NTRK3: variants seen among roughly 807,000 people sequenced by gnomAD.
NTRK3 encodes NT-3 growth factor receptor.
Under a neutral mutation model 91.7 loss-of-function variants are expected in NTRK3, and 24 were observed. The observed-to-expected ratio is 0.26, with a 90% CI of 0.19 to 0.37. NTRK3 has a LOEUF of 0.37. Ranked by LOEUF, NTRK3 falls within the 10% of genes least tolerant of loss-of-function variation. NTRK3 has a pLI of 1.00. For synonymous variants in NTRK3, 483 were observed against 404.0 expected, an observed-to-expected ratio of 1.20 and a Z score of -2.34; for missense variants, 880 against 1,068.9, an observed-to-expected ratio of 0.82 and a Z score of 2.46.
intron 14 of NTRK3, among the ~76,000 whole-genome samples, chr15:87,998,685 C>T (rs2075883109): frequency 6.6e-6 from 1 of 152,114 alleles, no homozygotes; most frequent in African/African-American, 2.4e-5. Flanking sequence ...TGGCCAGAAA[C>T]AGCAAATAGA....
intron 3 of NTRK3, among the ~76,000 whole-genome samples, chr15:88,197,186 G>GTATCATCCA (rs2047916257): frequency 7.1e-6 from 1 of 140,542 alleles, no homozygotes; most frequent in African/African-American, 2.6e-5. Context: ...GACCATGAAA[G>GTATCATCCA]TATCATCCAT....
chr15:88,151,795 A>T (rs907154763), intron 5 of NTRK3, among the ~76,000 whole-genome samples: 1 of 152,148 alleles, frequency 6.6e-6, no homozygotes, highest in Non-Finnish European at 1.5e-5. Flanking sequence ...GAGGCAGGCT[A>T]ATGGGCAGGT....
At chr15:88,139,298 C>G (rs1017250711) in intron 6 of NTRK3, among the ~76,000 whole-genome samples, 1 of 152,174 alleles carries the variant, frequency 6.6e-6, no homozygotes, top group Non-Finnish European at 1.5e-5. Flanking sequence ...CCGGATAAAT[C>G]TGAATGCCTG....
intron 14 of NTRK3, among the ~76,000 whole-genome samples, chr15:88,011,327 C>T (rs1387660570): frequency 6.6e-6 from 1 of 152,136 alleles, no homozygotes; most frequent in Non-Finnish European, 1.5e-5. Flanking sequence ...TCAAAATAGA[C>T]AGGATTTAAG....
chr15:87,972,963 C>G (rs1188267011), intron 14 of NTRK3, among the ~76,000 whole-genome samples: 1 of 152,184 alleles, frequency 6.6e-6, no homozygotes, highest in Non-Finnish European at 1.5e-5. Context: ...TCCTGTCTTT[C>G]TTGTTCCCTT....
At chr15:88,101,400 C>G (rs933188294) in intron 13 of NTRK3, among the ~76,000 whole-genome samples, 2 of 152,172 alleles carry the variant, frequency 1.3e-5, no homozygotes, top group African/African-American at 4.8e-5. Context: ...GAAATAGGAA[C>G]ACTTTTACAC....
In NTRK3 at chr15:87,984,642, C is replaced by T. The variant is rs554298175; in HGVS notation, c.1586-43889G>A. On this transcript the variant is annotated intron_variant, in intron 14 of 18. Coordinates refer to ENST00000394480, the Ensembl canonical transcript of NTRK3. ...AGGCCGTATATGGCCTTATGATGTG[C>T]CTTTTATTTTATTTTTTAACACAAA... is the stretch of plus-strand genomic sequence containing the variant. Among the ~76,000 whole-genome samples the T allele has an allele frequency of 5.3e-5, 8 of 152,276 alleles. No homozygotes were observed. In the South Asian group the frequency reaches 1.7e-3, roughly 32 times the overall value.
At position 88,099,780 on chromosome 15, in the gene NTRK3, T is replaced by A. The variant is rs117358820; in HGVS notation, c.1396+26491A>T. 9.8e-4 allele frequency among the ~76,000 whole-genome samples: 149 copies of A among 152,262 alleles called. 1 individual carries two copies. In the East Asian group the frequency reaches 0.024, roughly 25 times the overall value. On this transcript the variant is annotated intron_variant, in intron 13 of 18. Coordinates refer to ENST00000394480, the Ensembl canonical transcript of NTRK3. ...CCACATTGACTTAATAGTTACTAAGTGCTCACATGAACAAAAAACAAACAT... is the reference window on the plus strand; with the variant it reads ...CCACATTGACTTAATAGTTACTAAGAGCTCACATGAACAAAAAACAAACAT...
rs535960279 is a variant in NTRK3 at position 87,862,596 on chromosome 15, T to C, written c.*14339A>G. ...AGTGGAGAAGATGCTGACAATTAGT[T>C]AAGAGTAGACAATGATGACTCTAAG... On this transcript the variant is annotated 3_prime_UTR_variant, in exon 19 of 19. Coordinates refer to ENST00000394480, the Ensembl canonical transcript of NTRK3. 101 of 226,680 alleles carry C rather than the reference T, an allele frequency of 4.5e-4. No individual in the cohort carries two copies. The Middle Eastern group carries it at 5.4e-3, about 12-fold the overall frequency. 14.0% of individuals were successfully genotyped at this position (226,680 alleles called of 1,614,324 possible). A position where few individuals can be genotyped will look rare whatever the true frequency, so the allele number is the denominator to read the frequency against.
intron 3 of NTRK3, among the ~76,000 whole-genome samples, chr15:88,206,343 C>CAA (rs113171048): frequency 8.5e-6 from 1 of 117,772 alleles, no homozygotes; most frequent in African/African-American, 3.1e-5. Context: ...GACTCCATCT[C>CAA]AAAAAAAAAA....
intron 13 of NTRK3, among the ~76,000 whole-genome samples, chr15:88,093,074 G>GT (rs377164481): frequency 0.016 from 1,714 of 108,244 alleles, 21 homozygotes; most frequent in African/African-American, 0.04. Context: ...TGTTTTTTTT[G>GT]TTTTTTTTTT....
intron 6 of NTRK3, among the ~76,000 whole-genome samples, chr15:88,146,440 C>T (rs1050583919): frequency 1.8e-4 from 28 of 152,310 alleles, no homozygotes; most frequent in South Asian, 4.1e-4. Flanking sequence ...AACACATGAG[C>T]GGTGTCTCTG....
At position 88,143,263 on chromosome 15, in the gene NTRK3, A is replaced by C. The variant is rs562232170; in HGVS notation, c.464+4072T>G. ...TAGAAAAAGAAAGAAGGTGGAGATTAAAGACAAAGAGACAGGGATGGCAGG... is the reference window on the plus strand; with the variant it reads ...TAGAAAAAGAAAGAAGGTGGAGATTCAAGACAAAGAGACAGGGATGGCAGG... On this transcript the variant is annotated intron_variant, in intron 6 of 18. Transcript: ENST00000394480. Among the ~76,000 whole-genome samples the C allele has an allele frequency of 3.7e-4, 57 of 152,266 alleles. No homozygotes were observed. In the South Asian group the frequency reaches 5.8e-3, roughly 16 times the overall value.
At chr15:87,910,677 C>T (rs1157606942) in intron 17 of NTRK3, among the ~76,000 whole-genome samples, 2 of 151,846 alleles carry the variant, frequency 1.3e-5, no homozygotes, top group African/African-American at 4.8e-5. Context: ...ATAGCAGCAC[C>T]CAAACTTAAA....
chr15:88,192,354 C>T (rs1048304782), intron 3 of NTRK3, among the ~76,000 whole-genome samples: 1 of 152,144 alleles, frequency 6.6e-6, no homozygotes, highest in Admixed American at 6.5e-5. Context: ...GGCCTCCTAT[C>T]CTACCCCTCC....
chr15:88,092,551 A>G lies in NTRK3; in HGVS notation c.1396+33720T>C, dbSNP rs74760327. On this transcript the variant is annotated intron_variant, in intron 13 of 18. Coordinates refer to ENST00000394480, the Ensembl canonical transcript of NTRK3. The stretch of plus-strand genomic sequence containing the variant: ...CCAGACTGGCCAGAGGTTTGTCCCA[A>G]TAGTATGAAGGTGTGTCCATTTCTT... Among the ~76,000 whole-genome samples, 675 of 152,330 alleles carry G rather than the reference A, an allele frequency of 4.4e-3. 5 individuals are homozygous for G. The highest frequency in any genetic ancestry group is 8.2e-3 in the Non-Finnish European group (557 of 68,030).
At chr15:88,047,934 A>T (rs2142239197) in intron 13 of NTRK3, among the ~76,000 whole-genome samples, 1 of 152,300 alleles carries the variant, frequency 6.6e-6, no homozygotes, top group South Asian at 2.1e-4. Context: ...GACACTAGTG[A>T]TGCAATATCA....
intron 3 of NTRK3, among the ~76,000 whole-genome samples, chr15:88,231,468 TAC>T (rs147875811): frequency 0.027 from 3,962 of 148,824 alleles, 164 homozygotes; most frequent in African/African-American, 0.088. Flanking sequence ...TATATGTAAA[TAC>T]ACACACACAC....
intron 3 of NTRK3, among the ~76,000 whole-genome samples, chr15:88,193,597 T>C (rs1048830520): frequency 4.6e-5 from 7 of 152,172 alleles, no homozygotes; most frequent in Non-Finnish European, 1.0e-4. Context: ...GTTCCAGTGT[T>C]ATGCAAATAG....
Sources: gnomAD v4.1 joint callset for allele counts (sites outside exome capture counted in the v4.1 genomes callset) on GRCh38, gnomAD v4.1.1 for gene constraint, MANE v1.5 for transcripts, NCBI Gene and HGNC (gene_info 2026-07-23, HGNC 2026-07-21) for gene names.